NALCN: variants seen among roughly 807,000 people sequenced by gnomAD.
NALCN encodes the protein sodium leak channel NALCN.
Under a neutral mutation model 225.3 loss-of-function variants are expected in NALCN, and 111 were observed. The ratio of observed to expected loss-of-function variants is 0.49; its 90% CI spans 0.42 to 0.58. NALCN has a LOEUF of 0.58. Ranked by LOEUF, NALCN falls within the 20% of genes least tolerant of loss-of-function variation. The pLI, the probability that NALCN is intolerant of heterozygous loss-of-function variation, is 0.00. For missense variants in NALCN, 1,378 were observed against 2,202.4 expected (o/e 0.63, Z 7.49); for synonymous variants, 764 against 769.0 (o/e 0.99, Z 0.11).
intron 7 of NALCN, among the ~76,000 whole-genome samples, chr13:101,298,301 A>G (rs2043828508): frequency 6.7e-6 from 1 of 150,362 alleles, no homozygotes; most frequent in African/African-American, 2.4e-5. Context: ...ATGTTTACAT[A>G]TATACAACTT....
intron 40 of NALCN, among the ~76,000 whole-genome samples, chr13:101,062,520 G>A (rs1230359804): frequency 6.6e-6 from 1 of 152,088 alleles, no homozygotes; most frequent in Admixed American, 6.5e-5. Context: ...AATATGCTCG[G>A]CTGTGCGTCA....
intron 41 of NALCN, among the ~76,000 whole-genome samples, chr13:101,061,163 T>C (rs1232314189): frequency 1.3e-5 from 2 of 152,204 alleles, no homozygotes; most frequent in African/African-American, 4.8e-5. Flanking sequence ...CAGTATACAT[T>C]CATTAATTTA....
At chr13:101,376,515 C>CAAAAA (rs1258344238) in intron 6 of NALCN, among the ~76,000 whole-genome samples, 185 bp downstream of exon 6, 1 of 131,102 alleles carries the variant, frequency 7.6e-6, no homozygotes, top group Non-Finnish European at 1.6e-5. Flanking sequence ...GACTCCATCT[C>CAAAAA]AAAAATAAAA....
intron 14 of NALCN, among the ~76,000 whole-genome samples, chr13:101,188,615 C>G (rs934073257): frequency 6.7e-6 from 1 of 150,370 alleles, no homozygotes; most frequent in African/African-American, 2.5e-5. Context: ...TACATATATA[C>G]ACACATATAT....
intron 3 of NALCN, among the ~76,000 whole-genome samples, chr13:101,378,946 G>A (rs1456400802): frequency 6.6e-6 from 1 of 151,816 alleles, no homozygotes; most frequent in Non-Finnish European, 1.5e-5. Flanking sequence ...AGAACCAGAA[G>A]CCATTGTTCC....
intron 6 of NALCN, among the ~76,000 whole-genome samples, chr13:101,363,829 T>G (rs2046313257): frequency 6.6e-6 from 1 of 152,028 alleles, no homozygotes; most frequent in Non-Finnish European, 1.5e-5. Context: ...CTGCAAATGA[T>G]TCAACTGACA....
At chr13:101,279,819 AAAATAAAT>A (rs1223681751) in intron 10 of NALCN, among the ~76,000 whole-genome samples, 51 of 104,988 alleles carry the variant, frequency 4.9e-4, no homozygotes, top group Middle Eastern at 4.8e-3. Flanking sequence ...TCCGTCTCAA[AAAATAAAT>A]AAATAAATAA....
intron 3 of NALCN, among the ~76,000 whole-genome samples, chr13:101,380,347 A>T (rs928499843): frequency 3.3e-5 from 5 of 152,180 alleles, no homozygotes; most frequent in Admixed American, 3.3e-4. Flanking sequence ...TACCACTTTC[A>T]TTTTTTAATA....
rs2047393525 is a variant in NALCN at position 101,399,051 on chromosome 13, C to G, written c.76G>C (p.Asp26His). The G allele has an allele frequency of 6.2e-7, 1 of 1,612,324 alleles. No homozygotes were observed. The highest frequency in any genetic ancestry group is 1.7e-5 in the Admixed American group (1 of 59,954). Residue 26 changes from aspartate to histidine, a missense_variant, in exon 2 of 44, where the codon GAT (aspartate) becomes CAT (histidine). By Grantham distance (81) the Asp-to-His change is moderately conservative. Transcript: ENST00000251127. ...TTAATCCAGAGGATGTCAGCATTAT[C>G]CGACAGAGACTCATCAGGACCAAAG... ...TDFGPDESLS[D>H]NADILWINKP...
At chr13:101,149,520 T>C (rs1332357634) in intron 15 of NALCN, among the ~76,000 whole-genome samples, 2 of 152,214 alleles carry the variant, frequency 1.3e-5, no homozygotes, top group Admixed American at 6.5e-5. Flanking sequence ...TTTACTTCTA[T>C]AGTACATTCT....
At chr13:101,351,250 G>C (rs1419241439) in intron 6 of NALCN, among the ~76,000 whole-genome samples, 1 of 151,982 alleles carries the variant, frequency 6.6e-6, no homozygotes, top group Non-Finnish European at 1.5e-5. Context: ...TCCACAAATT[G>C]GCACTGATTT....
chr13:101,116,830 G>C (rs568548238), intron 18 of NALCN: 149 of 419,364 alleles, frequency 3.6e-4, no homozygotes, highest in Middle Eastern at 1.1e-3. Flanking sequence ...GCAGACAACA[G>C]GAAAATAGTC....
At chr13:101,061,467 T>TAAAA in intron 41 of NALCN, among the ~76,000 whole-genome samples, 1 of 151,988 alleles carries the variant, frequency 6.6e-6, no homozygotes, top group East Asian at 1.9e-4. Flanking sequence ...CTGCAACTTC[T>TAAAA]ACCTCCCAGG....
At chr13:101,392,814 T>C in intron 3 of NALCN, among the ~76,000 whole-genome samples, 1 of 152,180 alleles carries the variant, frequency 6.6e-6, no homozygotes, top group East Asian at 1.9e-4. Context: ...CTAGAACATT[T>C]AGTAAAGTAG....
intron 18 of NALCN, among the ~76,000 whole-genome samples, chr13:101,120,584 C>A (rs1194981238): frequency 2.7e-5 from 4 of 150,598 alleles, no homozygotes; most frequent in African/African-American, 9.7e-5. Flanking sequence ...ATACATGTGT[C>A]TGGTTAAAAA....
chr13:101,102,245 T>G (rs1648358543), intron 26 of NALCN, among the ~76,000 whole-genome samples: 1 of 151,806 alleles, frequency 6.6e-6, no homozygotes, highest in African/African-American at 2.4e-5. Flanking sequence ...ATTGCGCCAT[T>G]GCACTCCAGC....
chr13:101,181,182 G>C lies in NALCN; in HGVS notation c.1765-4808C>G, dbSNP rs752270456. The stretch of plus-strand genomic sequence containing the variant: ...CAAGGAGAAGACTGATTTTGGAAAA[G>C]AGCTGTGAGGAACGCATTCCAGGTG... On this transcript the variant is annotated intron_variant, in intron 14 of 43. Transcript: ENST00000251127. 6 of 518,740 alleles carry C rather than the reference G, an allele frequency of 1.2e-5. No homozygotes were observed. In the East Asian group the frequency reaches 2.2e-4, roughly 19 times the overall value. The allele number at this position is 518,740 out of a possible 1,614,324, so 32.1% of individuals were successfully genotyped here.
At chr13:101,088,566 C>T (rs2034047330) in intron 30 of NALCN, among the ~76,000 whole-genome samples, 2 of 152,170 alleles carry the variant, frequency 1.3e-5, no homozygotes, top group South Asian at 2.1e-4. Flanking sequence ...GCTTTTTCTG[C>T]AACCGTGCAT....
At chr13:101,258,603 A>G in intron 10 of NALCN, 29 bp from the exon 11 acceptor site, 1 of 1,613,808 alleles carries the variant, frequency 6.2e-7, no homozygotes, top group Non-Finnish European at 8.5e-7. Context: ...CAGACTCTTA[A>G]CAAAGAAATA....
Sources: allele counts gnomAD v4.1 joint callset (sites outside exome capture counted in the v4.1 genomes callset), GRCh38; gene constraint gnomAD v4.1.1; transcripts MANE v1.5; gene names NCBI Gene and HGNC (gene_info 2026-07-23, HGNC 2026-07-21).